GRID2: variants seen among roughly 807,000 people sequenced by gnomAD.
The protein encoded by GRID2 is glutamate receptor ionotropic, delta-2.
A neutral mutation model predicts 114.8 loss-of-function variants in GRID2; 33 were observed. The ratio of observed to expected loss-of-function variants is 0.29; its 90% CI spans 0.22 to 0.38. GRID2 has a LOEUF of 0.38. GRID2 is among the 10% of genes least tolerant of loss of function. GRID2 has a pLI of 1.00. For missense variants in GRID2, 1,184 were observed against 1,257.7 expected (o/e 0.94, Z 0.89); for synonymous variants, 505 against 449.9 (o/e 1.12, Z -1.55).
chr4:92,745,428 GACAC>G (rs530123384), intron 2 of GRID2, among the ~76,000 whole-genome samples: 1 of 151,868 alleles, frequency 6.6e-6, no homozygotes, highest in Non-Finnish European at 1.5e-5. Flanking sequence ...ATATTGTATA[GACAC>G]ACACACATAC....
intron 15 of GRID2, 67 bp from the exon 16 acceptor site, chr4:93,772,009 C>T: frequency 1.3e-6 from 1 of 782,578 alleles, no homozygotes; most frequent in Non-Finnish European, 2.0e-6. Context: ...TGCTGAACTA[C>T]TTTTTTTTTT....
chr4:92,660,388 C>T (rs1292538113), intron 2 of GRID2, among the ~76,000 whole-genome samples: 1 of 151,216 alleles, frequency 6.6e-6, no homozygotes, highest in Non-Finnish European at 1.5e-5. Context: ...TACAAACTGT[C>T]CAAAACGATG....
intron 2 of GRID2, among the ~76,000 whole-genome samples, chr4:92,838,139 C>T (rs1199503208): frequency 2.0e-5 from 3 of 151,936 alleles, no homozygotes; most frequent in Non-Finnish European, 4.4e-5. Flanking sequence ...ACATTATTTG[C>T]ACAGCAGGAT....
At chr4:93,017,615 G>A (rs1722875004) in intron 2 of GRID2, among the ~76,000 whole-genome samples, 2 of 151,740 alleles carry the variant, frequency 1.3e-5, no homozygotes, top group Admixed American at 1.3e-4. Flanking sequence ...AGGAGTTCGA[G>A]ACCAACACAA....
chr4:93,134,112 G>A (rs1424687509), intron 4 of GRID2, among the ~76,000 whole-genome samples: 1 of 152,140 alleles, frequency 6.6e-6, no homozygotes, highest in African/African-American at 2.4e-5. Flanking sequence ...TCATTGAAAG[G>A]CCACATTAGG....
chr4:93,131,182 T>C (rs1734768387), intron 4 of GRID2, among the ~76,000 whole-genome samples: 1 of 133,604 alleles, frequency 7.5e-6, no homozygotes, highest in South Asian at 2.4e-4. Flanking sequence ...TGAGATGGAG[T>C]CTCGCTGTGT....
intron 1 of GRID2, among the ~76,000 whole-genome samples, chr4:92,329,686 A>G (rs1314895122): frequency 1.3e-5 from 2 of 152,016 alleles, no homozygotes; most frequent in South Asian, 4.1e-4. Flanking sequence ...AACAAAATAG[A>G]AAAAACACTC....
intron 2 of GRID2, among the ~76,000 whole-genome samples, chr4:92,904,598 A>T (rs995333160): frequency 1.3e-5 from 2 of 151,892 alleles, no homozygotes; most frequent in Non-Finnish European, 2.9e-5. Context: ...GCAGGAGAGA[A>T]ATAGAAGAAA....
At chr4:92,377,235 C>CA (rs1306980452) in intron 1 of GRID2, among the ~76,000 whole-genome samples, 3 of 152,128 alleles carry the variant, frequency 2.0e-5, no homozygotes, top group African/African-American at 7.2e-5. Context: ...GCCAGATACC[C>CA]AAAATCATCT....
At chr4:93,463,553 TTGAACTACCTG>T (rs1246988841) in intron 11 of GRID2, among the ~76,000 whole-genome samples, 24 of 152,210 alleles carry the variant, frequency 1.6e-4, no homozygotes, top group African/African-American at 5.8e-4. Context: ...TTTGACTCCT[TTGAACTACCTG>T]TGAATATGTT....
intron 1 of GRID2, among the ~76,000 whole-genome samples, chr4:92,560,772 T>A (rs532498739): frequency 1.9e-4 from 29 of 152,210 alleles, no homozygotes; most frequent in Non-Finnish European, 4.0e-4. Context: ...AATGGCAGGA[T>A]CTCAGCTCAC....
intron 9 of GRID2, among the ~76,000 whole-genome samples, chr4:93,418,922 A>T (rs1010354503): frequency 6.6e-6 from 1 of 151,980 alleles, no homozygotes. Context: ...GGTGGAAAAA[A>T]ATAGAGTTTC....
intron 13 of GRID2, among the ~76,000 whole-genome samples, chr4:93,586,156 C>T (rs543591420): frequency 6.6e-6 from 1 of 152,130 alleles, no homozygotes; most frequent in South Asian, 2.1e-4. Flanking sequence ...TCCACATATT[C>T]CAAACTAATC....
intron 8 of GRID2, among the ~76,000 whole-genome samples, chr4:93,291,314 C>A (rs1753737401): frequency 6.6e-6 from 1 of 152,148 alleles, no homozygotes; most frequent in Admixed American, 6.5e-5. Flanking sequence ...GGTCAAGGGA[C>A]AAGGTTGCAA....
At chr4:92,942,602 T>C (rs1382024696) in intron 2 of GRID2, among the ~76,000 whole-genome samples, 1 of 152,192 alleles carries the variant, frequency 6.6e-6, no homozygotes, top group Admixed American at 6.6e-5. Context: ...GTGAATTTGA[T>C]CCTGTCATTA....
rs190836428 is a variant in GRID2 at position 93,321,817 on chromosome 4, A to G, written c.1246-73790A>G. Among the ~76,000 whole-genome samples, 548 of 152,092 alleles carry G rather than the reference A, an allele frequency of 3.6e-3. 3 individuals are homozygous for G. The highest frequency in any genetic ancestry group is 0.013 in the African/African-American group (522 of 41,544). On this transcript the variant is annotated intron_variant, in intron 8 of 15. Transcript: ENST00000282020. ...CATTTGTGATTAACTCAGTTCTACA[A>G]TTGACATCTTTACCCTCCTCCCAAA... is the stretch of plus-strand genomic sequence containing the variant.
rs116792530 is a variant in GRID2 at position 93,440,200 on chromosome 4, C to G, written c.1546-15462C>G. ...AGAGTCTTACATATTTTCATTACTG[C>G]AAACCAGCCTTGAAAATATATGTAT... On this transcript the variant is annotated intron_variant, in intron 10 of 15. Transcript: ENST00000282020. 7.2e-3 allele frequency among the ~76,000 whole-genome samples: 1,102 copies of G among 152,130 alleles called. 13 individuals carry two copies. The highest frequency in any genetic ancestry group is 0.025 in the African/African-American group (1,033 of 41,520).
In GRID2 at chr4:92,546,779, C is replaced by A. The variant is rs967393081; in HGVS notation, c.89-43352C>A. ...GTCTTACTATTATGATATATACTGCCTACAAAGGAAAAAATAATCAGTAGT... is the reference window on the plus strand; with the variant it reads ...GTCTTACTATTATGATATATACTGCATACAAAGGAAAAAATAATCAGTAGT... On this transcript the variant is annotated intron_variant, in intron 1 of 15. Transcript: ENST00000282020. 2.6e-5 allele frequency among the ~76,000 whole-genome samples: 4 copies of A among 152,134 alleles called. No homozygotes were observed. The South Asian group carries it at 8.3e-4, about 31-fold the overall frequency.
chr4:93,436,094 T>C (rs1721053107), intron 10 of GRID2, among the ~76,000 whole-genome samples: 1 of 152,166 alleles, frequency 6.6e-6, no homozygotes, highest in Non-Finnish European at 1.5e-5. Flanking sequence ...GACAATCCAA[T>C]TGAAGTGAAA....
Sources: gnomAD v4.1 joint callset for allele counts (sites outside exome capture counted in the v4.1 genomes callset) on GRCh38, gnomAD v4.1.1 for gene constraint, MANE v1.5 for transcripts, NCBI Gene and HGNC (gene_info 2026-07-23, HGNC 2026-07-21) for gene names.